PIK3C3: variants seen among roughly 807,000 people sequenced by gnomAD.
PIK3C3 encodes phosphatidylinositol 3-kinase catalytic subunit type 3, also known as PI3-kinase type 3.
PIK3C3 carries 95 observed loss-of-function variants against 126.1 expected under a neutral mutation model. The ratio of observed to expected loss-of-function variants is 0.75; its 90% CI spans 0.64 to 0.89. The LOEUF (loss-of-function observed/expected upper bound fraction) is 0.89. PIK3C3 is among the 40% of genes least tolerant of loss of function. The pLI, the probability that PIK3C3 is intolerant of heterozygous loss-of-function variation, is 0.00. For synonymous variants in PIK3C3, 374 were observed against 360.0 expected (o/e 1.04, Z -0.44); for missense variants, 829 against 1,063.2 (o/e 0.78, Z 3.06).
rs1986415941 is a variant in PIK3C3 at position 42,087,130 on chromosome 18, T to C, written c.*5993T>C. The C allele has an allele frequency of 6.6e-6, 1 of 152,166 alleles. No individual in the cohort carries two copies. Among genetic ancestry groups the C allele is most frequent in the African/African-American group, 2.4e-5 (1 of 41,400 alleles). The allele number at this position is 152,166 out of a possible 1,614,324, so 9.4% of individuals were successfully genotyped here. ...CCTGGGGTTCATTGTTATAGGAGAA[T>C]TTAGGACACAGACACACGAGGAGTT... On this transcript the variant is annotated 3_prime_UTR_variant, in exon 25 of 25. Transcript: ENST00000262039.
At position 41,962,577 on chromosome 18, in the gene PIK3C3, C is replaced by T; in HGVS notation, c.346C>T (p.Pro116Ser). The T allele has an allele frequency of 6.2e-7, 1 of 1,613,602 alleles. No homozygotes were observed. Among genetic ancestry groups the T allele is most frequent in the Non-Finnish European group, 8.5e-7 (1 of 1,179,670 alleles). The part of the protein sequence containing the change: ...VALTIWDVYG[P>S]GKAVPVGGTT... ...CCTCACCATATGGGATGTGTATGGTCCCGGAAAAGCAGTGCCTGTAGGAGG... is the reference window on the plus strand; with the variant it reads ...CCTCACCATATGGGATGTGTATGGTTCCGGAAAAGCAGTGCCTGTAGGAGG... The change falls in exon 3 of 25, where the codon CCC becomes TCC. Residue 116 changes from proline (P) to serine (S), a missense_variant. By Grantham distance (74) the Pro-to-Ser change is moderately conservative. Transcript: ENST00000262039.
intron 11 of PIK3C3, among the ~76,000 whole-genome samples, chr18:42,014,802 TTG>T (rs765940049): frequency 9.9e-5 from 15 of 152,192 alleles, no homozygotes; most frequent in Non-Finnish European, 1.6e-4. Context: ...ATGCTTTATG[TTG>T]TGTGTTTTAT....
chr18:41,977,958 TTTTG>T lies in PIK3C3; in HGVS notation c.531+7518_531+7521del, dbSNP rs1045249833. On this transcript the variant is annotated intron_variant, in intron 4 of 24. Coordinates refer to ENST00000262039, the MANE Select transcript of PIK3C3 (RefSeq NM_002647.4). ...TTCTCTAGACCAATTTTTTGTTTGT[TTTTG>T]TTTGTTTGTTTGTTTTGGGGACAGG... Among the ~76,000 whole-genome samples, 19 of 152,138 alleles carry T rather than the reference TTTTG, an allele frequency of 1.2e-4. 1 individual carries two copies. The highest frequency in any genetic ancestry group is 6.2e-4 in the South Asian group (3 of 4,820).
chr18:41,997,034 G>A (rs1982059864), intron 9 of PIK3C3, among the ~76,000 whole-genome samples: 1 of 152,048 alleles, frequency 6.6e-6, no homozygotes, highest in African/African-American at 2.4e-5. Context: ...TGGCAGCATG[G>A]TGTCCTTATT....
intron 4 of PIK3C3, chr18:41,970,718 C>G (rs1248745772): frequency 1.7e-6 from 1 of 582,874 alleles, no homozygotes; most frequent in East Asian, 2.8e-5. Context: ...TAAAAGAAAC[C>G]GCACCATTAA....
intron 4 of PIK3C3, among the ~76,000 whole-genome samples, chr18:41,975,661 G>C (rs1333447023): frequency 6.6e-6 from 1 of 150,552 alleles, no homozygotes; most frequent in South Asian, 2.1e-4. Context: ...AGGTTTCTCA[G>C]ATATTTTTCT....
In PIK3C3 at chr18:41,955,251, C is replaced by G; in HGVS notation, c.-41C>G. On this transcript the variant is annotated 5_prime_UTR_variant, in exon 1 of 25. It introduces an in-frame stop codon into an upstream open reading frame of the 5' UTR. Transcript: ENST00000262039. ...GTTCATTTATGTTGTTTTTCCTGTACCTAAGTTCCCGCTGTAGGTGGTACC... is the reference window on the plus strand; with the variant it reads ...GTTCATTTATGTTGTTTTTCCTGTAGCTAAGTTCCCGCTGTAGGTGGTACC... The G allele has an allele frequency of 1.3e-6, 2 of 1,560,240 alleles. No individual in the cohort carries two copies. The highest frequency in any genetic ancestry group is 1.7e-4 in the Middle Eastern group (1 of 5,848).
chr18:41,962,989 A>T (rs1175905824), intron 3 of PIK3C3, among the ~76,000 whole-genome samples: 1 of 152,168 alleles, frequency 6.6e-6, no homozygotes, highest in African/African-American at 2.4e-5. Flanking sequence ...AAAGGATGAA[A>T]AACAGGATTA....
chr18:42,063,043 A>G (rs892890332), intron 22 of PIK3C3, among the ~76,000 whole-genome samples: 2 of 152,156 alleles, frequency 1.3e-5, no homozygotes, highest in Admixed American at 6.5e-5. Flanking sequence ...ACTCCCTTCA[A>G]GATGGCCAGT....
chr18:41,978,755 T>C (rs1981053759), intron 4 of PIK3C3, among the ~76,000 whole-genome samples: 1 of 152,054 alleles, frequency 6.6e-6, no homozygotes, highest in Non-Finnish European at 1.5e-5. Flanking sequence ...CCAAGATTGT[T>C]GAGAAGGGTA....
chr18:42,068,232 T>G (rs1985622169), intron 24 of PIK3C3, among the ~76,000 whole-genome samples: 1 of 152,192 alleles, frequency 6.6e-6, no homozygotes, highest in Non-Finnish European at 1.5e-5. Context: ...TTTAACCCAG[T>G]TTTTTTAAAC....
At chr18:42,058,654 G>GT (rs1985179341) in intron 22 of PIK3C3, among the ~76,000 whole-genome samples, 1 of 152,112 alleles carries the variant, frequency 6.6e-6, no homozygotes, top group African/African-American at 2.4e-5. Flanking sequence ...ACAAAAAAAT[G>GT]TTTTTTCTCC....
At chr18:41,973,790 A>G (rs1218396785) in intron 4 of PIK3C3, among the ~76,000 whole-genome samples, 2 of 152,268 alleles carry the variant, frequency 1.3e-5, no homozygotes, top group Middle Eastern at 3.4e-3. Context: ...CAGAAGGAAC[A>G]GAGATGGTAG....
At chr18:41,961,393 G>A (rs1333143391) in intron 2 of PIK3C3, among the ~76,000 whole-genome samples, 1 of 152,114 alleles carries the variant, frequency 6.6e-6, no homozygotes, top group Non-Finnish European at 1.5e-5. Context: ...TTAGTTGTTT[G>A]AGCCTATTTG....
chr18:42,008,961 C>T (rs1431387009), intron 10 of PIK3C3, among the ~76,000 whole-genome samples: 1 of 152,066 alleles, frequency 6.6e-6, no homozygotes, highest in Non-Finnish European at 1.5e-5. Flanking sequence ...ATATGGTTAA[C>T]TCTTTTCTGT....
At chr18:42,080,323 C>A (rs542193857) in intron 24 of PIK3C3, among the ~76,000 whole-genome samples, 1 of 152,158 alleles carries the variant, frequency 6.6e-6, no homozygotes, top group African/African-American at 2.4e-5. Context: ...TAAAAGCCAT[C>A]AACATCTTGG....
intron 23 of PIK3C3, 60 bp downstream of exon 23, chr18:42,064,890 T>C: frequency 1.1e-6 from 1 of 878,420 alleles, no homozygotes; most frequent in Admixed American, 1.9e-5. Flanking sequence ...TATTCCAGAA[T>C]ACAACAACCT....
intron 16 of PIK3C3, among the ~76,000 whole-genome samples, chr18:42,036,826 T>G (rs1232726219): frequency 2.0e-5 from 3 of 152,138 alleles, no homozygotes; most frequent in Non-Finnish European, 4.4e-5. Flanking sequence ...GCATCTCTAA[T>G]CCAAAAATCC....
chr18:42,072,346 A>G (rs1289309918), intron 24 of PIK3C3, among the ~76,000 whole-genome samples: 1 of 152,184 alleles, frequency 6.6e-6, no homozygotes, highest in African/African-American at 2.4e-5. Flanking sequence ...ACTAGATACA[A>G]CTATTATATC....
Sources: allele counts gnomAD v4.1 joint callset (sites outside exome capture counted in the v4.1 genomes callset), GRCh38; gene constraint gnomAD v4.1.1; transcripts MANE v1.5; gene names NCBI Gene and HGNC (gene_info 2026-07-23, HGNC 2026-07-21).